PAPOLG: variants seen among roughly 807,000 people sequenced by gnomAD.
The protein encoded by PAPOLG is PAP-gamma.
PAPOLG carries 40 observed loss-of-function variants against 99.0 expected under a neutral mutation model. The ratio of observed to expected loss-of-function variants is 0.40; its 90% CI spans 0.31 to 0.53. PAPOLG has a LOEUF of 0.53. Among genes scored for constraint, PAPOLG ranks in the 20% least tolerant of loss-of-function variants. The probability of loss-of-function intolerance (pLI) is 0.41; values close to 1 mark genes in which losing one functional copy is unlikely to be tolerated. For missense variants in PAPOLG, 675 were observed against 884.1 expected (o/e 0.76, Z 3.00); for synonymous variants, 310 against 299.3 (o/e 1.04, Z -0.37).
chr2:60,770,463 A>G lies in PAPOLG; in HGVS notation c.444A>G (p.Val148=). ...HQDGIRNLRA[V]EDAFVPVIKF... is the part of the protein sequence containing the mutation. ...ATTGTTTTCCTTTTTTGTAGGCTGT[A>G]GAAGATGCCTTTGTACCTGTTATAA... is the stretch of plus-strand genomic sequence containing the variant. The change falls in exon 6 of 22, where the codon GTA becomes GTG. Residue 148 remains valine (V), a synonymous_variant. Transcript: ENST00000238714. 6.3e-7 allele frequency: 1 copy of G among 1,597,882 alleles called. No homozygotes were observed. The highest frequency in any genetic ancestry group is 8.5e-7 in the Non-Finnish European group (1 of 1,171,694).
In PAPOLG at chr2:60,797,847, C is replaced by T. The variant is rs900601136; in HGVS notation, c.*687C>T. On this transcript the variant is annotated 3_prime_UTR_variant, in exon 22 of 22. Coordinates refer to ENST00000238714, the MANE Select transcript of PAPOLG (RefSeq NM_022894.4). Reference sequence around the variant, plus strand: ...CAGTGATTACATAAGAGTTGGGCACCATAAATTCTCTATATTTTGCCTCCC... The same window carrying T: ...CAGTGATTACATAAGAGTTGGGCACTATAAATTCTCTATATTTTGCCTCCC... 3 of 152,656 alleles carry T rather than the reference C, an allele frequency of 2.0e-5. No homozygotes were observed. Among genetic ancestry groups the T allele is most frequent in the Non-Finnish European group, 4.4e-5 (3 of 68,014 alleles). The allele number at this position is 152,656 out of a possible 1,614,324, so 9.5% of individuals were successfully genotyped here.
At chr2:60,764,157 C>T (rs1195447036) in intron 3 of PAPOLG, among the ~76,000 whole-genome samples, 3 of 152,208 alleles carry the variant, frequency 2.0e-5, no homozygotes, top group African/African-American at 7.2e-5. Context: ...GGTTATTTTA[C>T]TGGCTGTACC....
At chr2:60,763,536 C>T (rs920538134) in intron 3 of PAPOLG, among the ~76,000 whole-genome samples, 1 of 152,160 alleles carries the variant, frequency 6.6e-6, no homozygotes, top group Non-Finnish European at 1.5e-5. Flanking sequence ...TAGAATCTTG[C>T]TCTGTCACCC....
chr2:60,790,414 C>T (rs1337740409), intron 15 of PAPOLG, among the ~76,000 whole-genome samples: 2 of 152,180 alleles, frequency 1.3e-5, no homozygotes, highest in Non-Finnish European at 2.9e-5. Context: ...CCTCCCATCC[C>T]TGTCTTCAGT....
At chr2:60,782,529 C>G in intron 11 of PAPOLG, 157 bp from the exon 12 acceptor site, 5 of 887,582 alleles carry the variant, frequency 5.6e-6, no homozygotes, top group Non-Finnish European at 6.7e-6. Context: ...CACACTCCAG[C>G]CTGGGTGACA....
At chr2:60,776,930 A>G (rs1242768488) in intron 8 of PAPOLG, among the ~76,000 whole-genome samples, 1 of 152,220 alleles carries the variant, frequency 6.6e-6, no homozygotes, top group Non-Finnish European at 1.5e-5. Context: ...GATCTTCTGG[A>G]TAACTTCCTG....
chr2:60,767,215 T>C (rs373732225), intron 3 of PAPOLG, among the ~76,000 whole-genome samples: 2 of 152,184 alleles, frequency 1.3e-5, no homozygotes, highest in Admixed American at 6.6e-5. Context: ...CTGACTGTTA[T>C]CATTGGAAGA....
In PAPOLG at chr2:60,800,954, C is replaced by G. The variant is rs565765148; in HGVS notation, c.*3794C>G. ...AATTCTGAATTTCTAAGTTTATAACCTAAAATGAAACTGTAAAGTCCTCGG... is the reference window on the plus strand; with the variant it reads ...AATTCTGAATTTCTAAGTTTATAACGTAAAATGAAACTGTAAAGTCCTCGG... On this transcript the variant is annotated 3_prime_UTR_variant, in exon 22 of 22. Transcript: ENST00000238714. 6.6e-6 allele frequency: 1 copy of G among 152,308 alleles called. No homozygotes were observed. Among genetic ancestry groups the G allele is most frequent in the South Asian group, 2.1e-4 (1 of 4,818 alleles). 9.4% of individuals were successfully genotyped at this position (152,308 alleles called of 1,614,324 possible). A position where few individuals can be genotyped will look rare whatever the true frequency, so the allele number is the denominator to read the frequency against.
intron 8 of PAPOLG, among the ~76,000 whole-genome samples, chr2:60,778,606 T>C (rs1054520428): frequency 2.0e-5 from 3 of 152,182 alleles, no homozygotes; most frequent in Admixed American, 6.6e-5. Context: ...ACGAATCTTA[T>C]GGTATGTGAA....
intron 13 of PAPOLG, among the ~76,000 whole-genome samples, chr2:60,784,078 A>G (rs546323345): frequency 6.6e-6 from 1 of 152,260 alleles, no homozygotes; most frequent in South Asian, 2.1e-4. Flanking sequence ...GGTTCAAGCA[A>G]TTCTCTGCCT....
At chr2:60,780,165 G>A (rs1671145121) in intron 9 of PAPOLG, among the ~76,000 whole-genome samples, 1 of 152,170 alleles carries the variant, frequency 6.6e-6, no homozygotes, top group Admixed American at 6.5e-5. Flanking sequence ...TGAGAAGGAA[G>A]TGAAAGATTC....
intron 15 of PAPOLG, among the ~76,000 whole-genome samples, chr2:60,790,925 C>CA (rs1322731980): frequency 1.3e-5 from 2 of 151,944 alleles, no homozygotes; most frequent in Admixed American, 6.6e-5. Context: ...CCTGTCTCTA[C>CA]AAAAAATCCA....
intron 21 of PAPOLG, among the ~76,000 whole-genome samples, chr2:60,795,866 A>G (rs1671679283): frequency 6.6e-6 from 1 of 152,136 alleles, no homozygotes; most frequent in African/African-American, 2.4e-5. Context: ...ATGAACGTAT[A>G]ATTATGTGTC....
Position 60,756,338 on chromosome 2 carries a change from G to A in PAPOLG, c.-141G>A. On this transcript the variant is annotated 5_prime_UTR_variant, in exon 1 of 22. The change abolishes an upstream ATG in the 5' untranslated region. Transcript: ENST00000238714. ...TGGTGTTTTCACTACTCGGTTGGATGCCTCAGCCATAGTAAGTGGGAAAGT... is the reference window on the plus strand; with the variant it reads ...TGGTGTTTTCACTACTCGGTTGGATACCTCAGCCATAGTAAGTGGGAAAGT... The A allele has an allele frequency of 2.0e-6, 2 of 1,008,416 alleles. No homozygotes were observed. Among genetic ancestry groups the A allele is most frequent in the Admixed American group, 3.8e-5 (2 of 53,192 alleles). 62.5% of individuals were successfully genotyped at this position (1,008,416 alleles called of 1,614,324 possible).
At chr2:60,757,996 G>C (rs1189604193) in intron 1 of PAPOLG, among the ~76,000 whole-genome samples, 1 of 152,164 alleles carries the variant, frequency 6.6e-6, no homozygotes, top group African/African-American at 2.4e-5. Flanking sequence ...TGGAGTAGTG[G>C]AAAGAGGTTT....
In PAPOLG at chr2:60,756,279, C is replaced by T; in HGVS notation, c.-200C>T. The stretch of plus-strand genomic sequence containing the variant: ...GGAAGCGGCGCCATATTGGCGTCGG[C>T]CGCGCTGTATTGTCATAAATAGAGC... On this transcript the variant is annotated 5_prime_UTR_variant, in exon 1 of 22. Coordinates refer to ENST00000238714, the MANE Select transcript of PAPOLG (RefSeq NM_022894.4). 1.6e-6 allele frequency: 1 copy of T among 638,636 alleles called. No homozygotes were observed. Among genetic ancestry groups the T allele is most frequent in the Non-Finnish European group, 2.8e-6 (1 of 360,934 alleles). 39.6% of individuals were successfully genotyped at this position (638,636 alleles called of 1,614,324 possible).
chr2:60,794,218 C>T, intron 19 of PAPOLG, 27 bp downstream of exon 19: 1 of 1,588,594 alleles, frequency 6.3e-7, no homozygotes, highest in Non-Finnish European at 8.6e-7. Context: ...AGTGGTAATT[C>T]AGTAGTTGAT....
At chr2:60,775,322 A>G (rs1255776264) in intron 8 of PAPOLG, among the ~76,000 whole-genome samples, 199 bp downstream of exon 8, 1 of 152,214 alleles carries the variant, frequency 6.6e-6, no homozygotes, top group Non-Finnish European at 1.5e-5. Flanking sequence ...TCCCTTGGGT[A>G]AAAACTTAAA....
At chr2:60,784,820 A>T (rs1388332223) in intron 13 of PAPOLG, among the ~76,000 whole-genome samples, 1 of 152,366 alleles carries the variant, frequency 6.6e-6, no homozygotes, top group African/African-American at 2.4e-5. Flanking sequence ...CAAAGACTGT[A>T]TGGCCCAGAA....
Sources: gnomAD v4.1 joint callset for allele counts (sites outside exome capture counted in the v4.1 genomes callset) on GRCh38, gnomAD v4.1.1 for gene constraint, MANE v1.5 for transcripts, NCBI Gene and HGNC (gene_info 2026-07-23, HGNC 2026-07-21) for gene names.